DSCAM: variants seen among roughly 807,000 people sequenced by gnomAD.
The protein encoded by DSCAM is cell adhesion molecule DSCAM.
In DSCAM, 47 loss-of-function variants were observed where a neutral mutation model predicts 217.7. The observed-to-expected ratio is 0.22, with a 90% CI of 0.17 to 0.28. The LOEUF (loss-of-function observed/expected upper bound fraction) is 0.28. DSCAM is among the 10% of genes least tolerant of loss of function. The pLI is 1.00. For synonymous variants in DSCAM, 1,056 were observed against 1,015.3 expected (o/e 1.04, Z -0.76); for missense variants, 2,080 against 2,618.3 (o/e 0.79, Z 4.49).
chr21:40,054,310 G>C (rs529222548), intron 29 of DSCAM, among the ~76,000 whole-genome samples: 1 of 152,366 alleles, frequency 6.6e-6, no homozygotes, highest in East Asian at 1.9e-4. Flanking sequence ...ACTGAAGTTA[G>C]CTGATCAAGA....
At chr21:40,513,589 C>G (rs1601705347) in intron 3 of DSCAM, among the ~76,000 whole-genome samples, 1 of 152,084 alleles carries the variant, frequency 6.6e-6, no homozygotes, top group African/African-American at 2.4e-5. Context: ...GTGTCAGGCT[C>G]TCTTAAATAG....
rs2076134143 is a variant in DSCAM at position 40,498,137 on chromosome 21, G to A, written c.509-128892C>T. On this transcript the variant is annotated intron_variant, in intron 3 of 32. Coordinates refer to ENST00000400454, the MANE Select transcript of DSCAM (RefSeq NM_001389.5). The stretch of plus-strand genomic sequence containing the variant: ...ACGGGAATAATAACTCTGTGTCATT[G>A]GGCTGCTTAAATGTTTGGCACAGTG... Among the ~76,000 whole-genome samples, 4 of 152,176 alleles carry A rather than the reference G, an allele frequency of 2.6e-5. No individual in the cohort carries two copies. The South Asian group carries it at 8.3e-4, about 32-fold the overall frequency.
At chr21:40,211,386 T>C (rs1255864931) in intron 11 of DSCAM, among the ~76,000 whole-genome samples, 2 of 152,218 alleles carry the variant, frequency 1.3e-5, no homozygotes, top group Non-Finnish European at 1.5e-5. Flanking sequence ...TCATATTTCT[T>C]TGGGATAAAT....
chr21:40,021,874 G>A (rs934852305), intron 32 of DSCAM, among the ~76,000 whole-genome samples: 1 of 152,132 alleles, frequency 6.6e-6, no homozygotes, highest in African/African-American at 2.4e-5. Flanking sequence ...TCCACTAACG[G>A]TGCATTAGAA....
intron 3 of DSCAM, among the ~76,000 whole-genome samples, chr21:40,537,988 C>G (rs1404846142): frequency 6.6e-6 from 1 of 152,164 alleles, no homozygotes; most frequent in Non-Finnish European, 1.5e-5. Context: ...ATCTCTGGAT[C>G]TCAGAGAGAG....
chr21:40,042,581 G>C lies in DSCAM; in HGVS notation c.5476C>G (p.Gln1826Glu), dbSNP rs1213730502. The change falls in exon 32 of 33, where the codon CAA becomes GAA. Residue 1826 changes from glutamine (Q) to glutamate (E), a missense_variant. By Grantham distance (29) the Gln-to-Glu change is conservative. Transcript: ENST00000400454. ...ATGGTGAACTTGGCGTGCCTCAGTT[G>C]CTCTTCCATCTTGGCGTGTTCGTAG... ...RAYEHAKMEEQLRHAKFTITE... is the reference protein window; with the variant it reads ...RAYEHAKMEEELRHAKFTITE... The C allele has an allele frequency of 1.2e-6, 2 of 1,614,188 alleles. No homozygotes were observed. Among genetic ancestry groups the C allele is most frequent in the South Asian group, 1.1e-5 (1 of 91,076 alleles).
intron 11 of DSCAM, among the ~76,000 whole-genome samples, chr21:40,222,986 TGGAAATGTTCTTTGC>T (rs1670626221): frequency 6.6e-6 from 1 of 152,240 alleles, no homozygotes; most frequent in Non-Finnish European, 1.5e-5. Context: ...CTTTAATCCC[TGGAAATGTTCTTTGC>T]TCAATATTCT....
chr21:40,363,252 C>CTTTTTT lies in DSCAM; in HGVS notation c.655+5841_655+5846dup, dbSNP rs35756323. Among the ~76,000 whole-genome samples, 18 of 116,152 alleles carry CTTTTTT rather than the reference C, an allele frequency of 1.5e-4. No individual in the cohort carries two copies. The East Asian group carries it at 2.8e-3, about 18-fold the overall frequency. The allele number at this position is 116,152 out of a possible 152,430, so 76.2% of individuals were successfully genotyped here. On this transcript the variant is annotated intron_variant, in intron 4 of 32. Transcript: ENST00000400454. ...GTGTGTACCAATAGTTTTTTGTGTT[C>CTTTTTT]TTTTTTTTTTTTTTTTTTGAGATGG...
chr21:40,184,577 C>A (rs980465885), intron 14 of DSCAM, among the ~76,000 whole-genome samples: 2 of 152,208 alleles, frequency 1.3e-5, no homozygotes, highest in Non-Finnish European at 2.9e-5. Context: ...CCCGCCTGTA[C>A]TCAGCTTTAT....
intron 3 of DSCAM, among the ~76,000 whole-genome samples, chr21:40,381,785 A>G (rs896596302): frequency 6.6e-6 from 1 of 152,198 alleles, no homozygotes; most frequent in African/African-American, 2.4e-5. Flanking sequence ...TCACCTACTA[A>G]TAGGTTGTGA....
chr21:40,463,578 C>T (rs2075822128), intron 3 of DSCAM, among the ~76,000 whole-genome samples: 1 of 152,214 alleles, frequency 6.6e-6, no homozygotes, highest in African/African-American at 2.4e-5. Flanking sequence ...GACCCAATCT[C>T]ACCCCATCCT....
At chr21:40,390,796 CTCCAATACAACT>C (rs2075127207) in intron 3 of DSCAM, among the ~76,000 whole-genome samples, 2 of 152,184 alleles carry the variant, frequency 1.3e-5, no homozygotes, top group African/African-American at 4.8e-5. Flanking sequence ...GCCCATCCTA[CTCCAATACAACT>C]TCATCTTAAC....
chr21:40,825,279 T>TTCCC (rs2091959467), intron 1 of DSCAM, among the ~76,000 whole-genome samples: 1 of 132,050 alleles, frequency 7.6e-6, no homozygotes, highest in Non-Finnish European at 1.5e-5. Flanking sequence ...CCTTCCTTCC[T>TTCCC]TCCTTCCTTC....
At chr21:40,789,513 A>G (rs1289956838) in intron 1 of DSCAM, among the ~76,000 whole-genome samples, 3 of 151,886 alleles carry the variant, frequency 2.0e-5, no homozygotes, top group African/African-American at 7.2e-5. Context: ...TAAGCTGCCT[A>G]GGTAATTAAA....
rs2123381350 is a variant in DSCAM, at chr21:40,276,259, G to A, written c.2194C>T (p.Pro732Ser). ...TTTAGGGCAATTGGCTGGAACTGGG[G>A]AACCCCAGCACCTGAGACAGAAAAA... The part of the protein sequence containing the change: ...VWKFSKGAGV[P>S]QFQPIALNGR... Residue 732 changes from proline (P) to serine (S), a missense_variant, in exon 11 of 33, where the codon CCC becomes TCC. Physicochemically the swap from Pro to Ser is moderately conservative, Grantham distance 74 (BLOSUM62 -1). Transcript: ENST00000400454. The A allele has an allele frequency of 6.2e-7, 1 of 1,600,952 alleles. No homozygotes were observed. The highest frequency in any genetic ancestry group is 1.8e-5 in the Admixed American group (1 of 56,944).
At chr21:40,135,896 G>A (rs1189952771) in intron 18 of DSCAM, among the ~76,000 whole-genome samples, 1 of 152,226 alleles carries the variant, frequency 6.6e-6, no homozygotes, top group Non-Finnish European at 1.5e-5. Context: ...ACATGCCAGA[G>A]AGCCCCTGTG....
chr21:40,565,715 C>A (rs1025922951), intron 3 of DSCAM, among the ~76,000 whole-genome samples: 1 of 152,194 alleles, frequency 6.6e-6, no homozygotes, highest in African/African-American at 2.4e-5. Flanking sequence ...TGCCTGTCCA[C>A]ATGCATCCTT....
At chr21:40,044,376 G>A (rs370250281) in intron 30 of DSCAM, 101 bp from the exon 31 acceptor site, 58 of 1,207,386 alleles carry the variant, frequency 4.8e-5, no homozygotes, top group South Asian at 9.1e-5. Flanking sequence ...CTGCCGACTC[G>A]CCCACGCCCT....
intron 3 of DSCAM, among the ~76,000 whole-genome samples, chr21:40,603,906 T>G (rs2077081516): frequency 6.8e-6 from 1 of 147,224 alleles, no homozygotes; most frequent in African/African-American, 2.5e-5. Context: ...CATGCCTAGG[T>G]GTAGACTTTT....
Sources: allele counts gnomAD v4.1 joint callset (sites outside exome capture counted in the v4.1 genomes callset), GRCh38; gene constraint gnomAD v4.1.1; transcripts MANE v1.5; gene names NCBI Gene and HGNC (gene_info 2026-07-23, HGNC 2026-07-21).